Variants in HP1BP3 observed in about 807,000 individuals in gnomAD.
The protein encoded by HP1BP3 is heterochromatin protein 1-binding protein 3.
Under a neutral mutation model 62.5 loss-of-function variants are expected in HP1BP3, and 12 were observed. That is an observed-to-expected ratio of 0.19 (90% CI 0.12 to 0.31). The LOEUF is 0.31. HP1BP3 is among the 10% of genes least tolerant of loss of function. The pLI is 1.00. For synonymous variants in HP1BP3, 260 were observed against 237.8 expected, an observed-to-expected ratio of 1.09 and a Z score of -0.86; for missense variants, 502 against 651.8, an observed-to-expected ratio of 0.77 and a Z score of 2.50.
intron 3 of HP1BP3, among the ~76,000 whole-genome samples, chr1:20,779,260 G>A (rs1275167122): frequency 2.0e-5 from 3 of 152,070 alleles, no homozygotes; most frequent in African/African-American, 4.8e-5. Flanking sequence ...AAATAAAGAC[G>A]GGAAAAGGAG....
In HP1BP3 at chr1:20,745,638, C is replaced by T. The variant is rs1167038310; in HGVS notation, c.1272G>A (p.Pro424=). ...CTCTAGAATCATCTGGCTCTTTCTT[C>T]GGAAACAGAACTCCTGGGCTATACG... ...PYYPSPGVLF[P]KKEPDDSRDE... Residue 424 remains proline, a synonymous_variant, in exon 12 of 13, where the codon CCG becomes CCA. Coordinates refer to ENST00000438032, the MANE Select transcript of HP1BP3 (RefSeq NM_001372052.1). 1.7e-5 allele frequency: 28 copies of T among 1,613,930 alleles called. No individual in the cohort carries two copies. Among genetic ancestry groups the T allele is most frequent in the Middle Eastern group, 1.7e-4 (1 of 6,058 alleles).
At chr1:20,766,704 C>T (rs1163564062) in intron 7 of HP1BP3, among the ~76,000 whole-genome samples, 5 of 152,098 alleles carry the variant, frequency 3.3e-5, no homozygotes, top group African/African-American at 1.2e-4. Flanking sequence ...CGTTGGGAGG[C>T]GGAGGCAGGC....
chr1:20,766,279 G>A (rs984897616), intron 7 of HP1BP3, among the ~76,000 whole-genome samples: 13 of 152,132 alleles, frequency 8.5e-5, no homozygotes, highest in East Asian at 3.9e-4. Flanking sequence ...CAACAAGAGC[G>A]AAACTCCGTC....
At chr1:20,764,790 G>A (rs183287720) in intron 8 of HP1BP3, among the ~76,000 whole-genome samples, 19 of 151,462 alleles carry the variant, frequency 1.3e-4, no homozygotes, top group South Asian at 1.0e-3. Context: ...CAGGAAAATC[G>A]CTTGAACCCG....
chr1:20,760,543 A>G lies in HP1BP3; in HGVS notation c.891-3287T>C, dbSNP rs576315182. 3.0e-3 allele frequency among the ~76,000 whole-genome samples: 422 copies of G among 140,684 alleles called. 7 individuals are homozygous for G. The highest frequency in any genetic ancestry group is 0.02 in the Admixed American group (287 of 14,444). The allele number at this position is 140,684 out of a possible 152,430, so 92.3% of individuals were successfully genotyped here. On this transcript the variant is annotated intron_variant, in intron 8 of 12. Coordinates refer to ENST00000438032, the MANE Select transcript of HP1BP3 (RefSeq NM_001372052.1). ...GCAACAGAGCAAGACCCCAGCTTGGAAAAAAAAAAAAGTGACAGGCTGGGC... is the reference window on the plus strand; with the variant it reads ...GCAACAGAGCAAGACCCCAGCTTGGGAAAAAAAAAAAGTGACAGGCTGGGC...
chr1:20,777,884 A>G (rs1483973852), intron 3 of HP1BP3, among the ~76,000 whole-genome samples: 1 of 152,218 alleles, frequency 6.6e-6, no homozygotes, highest in Non-Finnish European at 1.5e-5. Context: ...ATTGTTTCCC[A>G]TATGCTTAGG....
chr1:20,775,287 A>C (rs1158098057), intron 4 of HP1BP3, among the ~76,000 whole-genome samples: 2 of 152,068 alleles, frequency 1.3e-5, no homozygotes, highest in Non-Finnish European at 2.9e-5. Flanking sequence ...GACCTTGTGC[A>C]GGCCTAGGTT....
At chr1:20,756,473 C>G (rs530796187) in intron 9 of HP1BP3, among the ~76,000 whole-genome samples, 2 of 151,538 alleles carry the variant, frequency 1.3e-5, no homozygotes, top group Non-Finnish European at 2.9e-5. Flanking sequence ...GGGAGGCTGA[C>G]GCTGGAGGAC....
intron 1 of HP1BP3, among the ~76,000 whole-genome samples, chr1:20,786,886 C>T (rs566435598): frequency 1.3e-5 from 2 of 151,984 alleles, no homozygotes; most frequent in African/African-American, 4.8e-5. Flanking sequence ...CAGGGTCGCA[C>T]GGCCAGAGAA....
At chr1:20,766,862 G>A (rs778542069) in intron 7 of HP1BP3, among the ~76,000 whole-genome samples, 17 of 152,174 alleles carry the variant, frequency 1.1e-4, no homozygotes, top group Non-Finnish European at 2.2e-4. Flanking sequence ...ACAAGCACTT[G>A]AATCCGGGAA....
At chr1:20,756,930 G>C (rs1186822724) in intron 9 of HP1BP3, among the ~76,000 whole-genome samples, 1 of 152,042 alleles carries the variant, frequency 6.6e-6, no homozygotes, top group African/African-American at 2.4e-5. Context: ...GGCTGGTCTC[G>C]AACTCCCAAC....
Position 20,745,090 on chromosome 1 carries a change from A to C in HP1BP3, c.1369T>G (p.Leu457Val). ...EDEEPPPKRR[L>V]QKKTPAKSPG... ...GACTTGGCTGGGGTTTTCTTCTGCA[A>C]CCTGTGAGAACCAAAGAGCAAAGGC... is the stretch of plus-strand genomic sequence containing the variant. The change falls in exon 13 of 13, where the codon TTG becomes GTG. Residue 457 changes from leucine to valine, a missense_variant and splice_region_variant. Physicochemically the swap from Leu to Val is conservative, Grantham distance 32. Around this residue, in one of 5 missense-constraint regions of HP1BP3, gnomAD observed 194 missense variants for 207.0 expected, o/e 0.94. Transcript: ENST00000438032. 6.2e-7 allele frequency: 1 copy of C among 1,601,778 alleles called. No homozygotes were observed.
intron 8 of HP1BP3, among the ~76,000 whole-genome samples, chr1:20,761,466 A>C (rs1279550283): frequency 6.6e-6 from 1 of 152,216 alleles, no homozygotes; most frequent in African/African-American, 2.4e-5. Context: ...GAAGGATAAT[A>C]TTGTCATGAA....
chr1:20,782,928 GA>G (rs1455900793), intron 1 of HP1BP3, among the ~76,000 whole-genome samples: 4 of 120,224 alleles, frequency 3.3e-5, no homozygotes, highest in African/African-American at 6.3e-5. Flanking sequence ...AAAAAAAAAA[GA>G]AAGAAAAAAC....
At chr1:20,756,201 T>G (rs2056097591) in intron 9 of HP1BP3, among the ~76,000 whole-genome samples, 1 of 152,222 alleles carries the variant, frequency 6.6e-6, no homozygotes, top group South Asian at 2.1e-4. Context: ...TGAGTTTTGG[T>G]GTAGTATCAA....
intron 4 of HP1BP3, chr1:20,774,533 A>G (rs1334591736): frequency 6.6e-6 from 1 of 152,220 alleles, no homozygotes; most frequent in Non-Finnish European, 1.5e-5. Flanking sequence ...AACAGACCAC[A>G]TATACAATGG....
Position 20,779,796 on chromosome 1 carries a change from C to A in HP1BP3, c.196+16G>T. 1.9e-6 allele frequency: 3 copies of A among 1,567,050 alleles called. No homozygotes were observed. In the South Asian group the frequency reaches 3.4e-5, roughly 18 times the overall value. On this transcript the variant is annotated intron_variant, in intron 3 of 12. Coordinates refer to ENST00000438032, the MANE Select transcript of HP1BP3 (RefSeq NM_001372052.1). ...TAACTTTTGATGTTTTAAGCTGTGT[C>A]ACCATTTTACTTTACCTGGCTTTTC...
intron 3 of HP1BP3, 67 bp from the exon 4 acceptor site, chr1:20,776,817 A>T: frequency 7.1e-7 from 1 of 1,399,580 alleles, no homozygotes; most frequent in Non-Finnish European, 9.6e-7. Context: ...AAAAGGTAAA[A>T]GCTTATCTTA....
intron 1 of HP1BP3, among the ~76,000 whole-genome samples, chr1:20,783,144 G>A (rs2057651170): frequency 6.6e-6 from 1 of 151,816 alleles, no homozygotes; most frequent in Admixed American, 6.6e-5. Flanking sequence ...AAAGTTGAAT[G>A]AACAAAGACA....
Sources: allele counts gnomAD v4.1 joint callset (sites outside exome capture counted in the v4.1 genomes callset), GRCh38; gene constraint gnomAD v4.1.1; regional missense constraint gnomAD v4.1.1; transcripts MANE v1.5; gene names NCBI Gene and HGNC (gene_info 2026-07-23, HGNC 2026-07-21).